The following TDRD7 variants were observed in gnomAD, a reference collection of about 807,000 sequenced individuals.
TDRD7 encodes the protein tudor domain-containing protein 7.
In TDRD7, 47 loss-of-function variants were observed where a neutral mutation model predicts 109.8. The observed-to-expected ratio is 0.43, with a 90% CI of 0.34 to 0.55. The LOEUF (loss-of-function observed/expected upper bound fraction) is 0.55, where lower values mean the gene tolerates loss of function less well. Ranked by LOEUF, TDRD7 falls within the 20% of genes least tolerant of loss-of-function variation. TDRD7 has a pLI of 0.03. For synonymous variants in TDRD7, 424 were observed against 457.3 expected (o/e 0.93, Z 0.93); for missense variants, 1,164 against 1,319.2 (o/e 0.88, Z 1.82).
Position 97,460,426 on chromosome 9 carries a change from G to A in TDRD7, c.1104G>A (p.Met368Ile), listed in dbSNP as rs1828691764. The change falls in exon 7 of 17, where the codon ATG becomes ATA. Residue 368 changes from methionine (M) to isoleucine (I), a missense_variant. Coordinates refer to ENST00000355295, the MANE Select transcript of TDRD7 (RefSeq NM_014290.3). ...ASALPKAFEEMYKVKFPEDAL... is the reference protein window; with the variant it reads ...ASALPKAFEEIYKVKFPEDAL... ...CACTTCCGAAAGCATTTGAGGAAAT[G>A]TACAAAGTGAAATTCCCTGAGGATG... 3.7e-6 allele frequency: 6 copies of A among 1,614,238 alleles called. No homozygotes were observed. The highest frequency in any genetic ancestry group is 5.1e-6 in the Non-Finnish European group (6 of 1,180,050).
intron 6 of TDRD7, among the ~76,000 whole-genome samples, chr9:97,442,450 C>G (rs1028310651): frequency 6.6e-6 from 1 of 151,970 alleles, no homozygotes; most frequent in Admixed American, 6.6e-5. Context: ...ATTTCTATTC[C>G]TACTTCAGAG....
chr9:97,485,929 C>CT (rs1370161359), intron 15 of TDRD7, among the ~76,000 whole-genome samples: 4 of 152,314 alleles, frequency 2.6e-5, no homozygotes, highest in Admixed American at 1.3e-4. Context: ...CACTTTGAGC[C>CT]TGTCTGAAAG....
Position 97,484,356 on chromosome 9 carries a change from A to G in TDRD7, c.2915+1005A>G, listed in dbSNP as rs1169266895. Among the ~76,000 whole-genome samples the G allele has an allele frequency of 4.6e-5, 7 of 152,252 alleles. No homozygotes were observed. In the East Asian group the frequency reaches 1.4e-3, roughly 29 times the overall value. On this transcript the variant is annotated intron_variant, in intron 15 of 16. Coordinates refer to ENST00000355295, the MANE Select transcript of TDRD7 (RefSeq NM_014290.3). ...CCACTGTCCACTTTCCACTCAGGCC[A>G]TGAAGCCCTGGGAAATGGCACAATG...
At chr9:97,446,171 T>G (rs1484763839) in intron 6 of TDRD7, among the ~76,000 whole-genome samples, 2 of 152,002 alleles carry the variant, frequency 1.3e-5, no homozygotes, top group Non-Finnish European at 2.9e-5. Context: ...CACCAGAGAT[T>G]TTATTGAAAA....
At chr9:97,480,507 A>G in intron 13 of TDRD7, 1 of 358,102 alleles carries the variant, frequency 2.8e-6, no homozygotes, top group Non-Finnish European at 5.4e-6. Flanking sequence ...TTGGTATCTT[A>G]TACAGTCTTT....
intron 1 of TDRD7, among the ~76,000 whole-genome samples, chr9:97,426,744 CTA>C (rs983108876): frequency 3.3e-5 from 5 of 152,144 alleles, no homozygotes; most frequent in African/African-American, 4.8e-5. Flanking sequence ...TGGCACATGA[CTA>C]TGTAGATTTT....
At chr9:97,473,375 C>CT in intron 10 of TDRD7, 117 bp from the exon 11 acceptor site, 1 of 1,395,746 alleles carries the variant, frequency 7.2e-7, no homozygotes, top group Non-Finnish European at 1.0e-6. Context: ...TATACTCTAA[C>CT]TTAAAGATTT....
At chr9:97,453,144 C>T (rs143887587) in intron 6 of TDRD7, among the ~76,000 whole-genome samples, 8 of 152,264 alleles carry the variant, frequency 5.3e-5, no homozygotes, top group South Asian at 2.1e-4. Flanking sequence ...GATGGGTTAT[C>T]GTCCACTGAA....
intron 4 of TDRD7, among the ~76,000 whole-genome samples, chr9:97,437,416 A>G (rs1436051908): frequency 6.6e-6 from 1 of 152,224 alleles, no homozygotes; most frequent in Non-Finnish European, 1.5e-5. Context: ...GGTTCTTCCC[A>G]ACATGGCCAT....
At chr9:97,440,253 T>C (rs895580664) in intron 5 of TDRD7, among the ~76,000 whole-genome samples, 2 of 152,238 alleles carry the variant, frequency 1.3e-5, no homozygotes, top group African/African-American at 4.8e-5. Context: ...GCAGTTCACC[T>C]GGCAGAGCTG....
chr9:97,447,816 A>G (rs1187238323), intron 6 of TDRD7, among the ~76,000 whole-genome samples: 2 of 152,242 alleles, frequency 1.3e-5, no homozygotes, highest in Admixed American at 6.5e-5. Flanking sequence ...AGCTCTGCAC[A>G]TGTTCAACTA....
chr9:97,484,178 TA>T (rs1829171122), intron 15 of TDRD7, among the ~76,000 whole-genome samples: 1 of 152,238 alleles, frequency 6.6e-6, no homozygotes, highest in Admixed American at 6.5e-5. Flanking sequence ...CTTATTTCAC[TA>T]CTCTTTGGCC....
At chr9:97,442,637 C>T (rs978497315) in intron 6 of TDRD7, among the ~76,000 whole-genome samples, 3 of 152,138 alleles carry the variant, frequency 2.0e-5, no homozygotes, top group East Asian at 1.9e-4. Context: ...AACAGCTACT[C>T]GATGCTTCTA....
chr9:97,491,142 T>A (rs1424631911), intron 16 of TDRD7, among the ~76,000 whole-genome samples: 1 of 152,176 alleles, frequency 6.6e-6, no homozygotes, highest in East Asian at 1.9e-4. Flanking sequence ...GGTCTCGAAC[T>A]CCTGACTTCG....
At chr9:97,488,230 A>G (rs1564217142) in intron 16 of TDRD7, among the ~76,000 whole-genome samples, 1 of 152,178 alleles carries the variant, frequency 6.6e-6, no homozygotes, top group Admixed American at 6.5e-5. Context: ...TTGAGGCCCA[A>G]AGAGTTGAGG....
At chr9:97,488,070 C>CCTTGTAAT (rs1829242268) in intron 16 of TDRD7, among the ~76,000 whole-genome samples, 1 of 152,172 alleles carries the variant, frequency 6.6e-6, no homozygotes, top group South Asian at 2.1e-4. Flanking sequence ...AATGACACTT[C>CCTTGTAAT]CTTGTAATGT....
intron 7 of TDRD7, among the ~76,000 whole-genome samples, chr9:97,463,112 T>C (rs1828756229): frequency 6.6e-6 from 1 of 152,106 alleles, no homozygotes; most frequent in African/African-American, 2.4e-5. Flanking sequence ...TTTGCAAAGC[T>C]CAATACATTT....
rs1371212231 is a variant in TDRD7 at position 97,483,165 on chromosome 9, C to T, written c.2729C>T (p.Pro910Leu). The T allele has an allele frequency of 6.2e-7, 1 of 1,614,164 alleles. No individual in the cohort carries two copies. Among genetic ancestry groups the T allele is most frequent in the Middle Eastern group, 1.6e-4 (1 of 6,062 alleles). ...ELPPPVHLSK[P>L]GEHMDVYVPV... ...CCACCTCCTGTCCACTTATCAAAGC[C>T]AGGGGAACACATGGATGTGTATGTG... The change falls in exon 15 of 17, where the codon CCA (proline) becomes CTA (leucine). Residue 910 changes from proline (P) to leucine (L), a missense_variant. Around this residue, in one of 5 missense-constraint regions of TDRD7, gnomAD observed 233 missense variants for 218.0 expected, o/e 1.07. Coordinates refer to ENST00000355295, the MANE Select transcript of TDRD7 (RefSeq NM_014290.3).
At chr9:97,419,157 C>T (rs1237791145) in intron 1 of TDRD7, among the ~76,000 whole-genome samples, 2 of 152,122 alleles carry the variant, frequency 1.3e-5, no homozygotes, top group African/African-American at 2.4e-5. Flanking sequence ...AGCCAAGGCC[C>T]ACTTAGGCAT....
Sources: gnomAD v4.1 joint callset for allele counts (sites outside exome capture counted in the v4.1 genomes callset) on GRCh38, gnomAD v4.1.1 for gene constraint, gnomAD v4.1.1 regional missense constraint, MANE v1.5 for transcripts, NCBI Gene and HGNC (gene_info 2026-07-23, HGNC 2026-07-21) for gene names.